KCNK2: variants seen among roughly 807,000 people sequenced by gnomAD.
KCNK2 encodes the protein potassium two pore domain channel subfamily K member 2, also known as potassium channel subfamily K member 2.
A neutral mutation model predicts 40.5 loss-of-function variants in KCNK2; 21 were observed. The observed-to-expected ratio is 0.52, with a 90% CI of 0.37 to 0.75. The LOEUF (loss-of-function observed/expected upper bound fraction) is 0.75, where lower values mean the gene tolerates loss of function less well. KCNK2 is among the 30% of genes least tolerant of loss of function. The pLI is 0.00. For missense variants in KCNK2, 399 were observed against 531.6 expected (o/e 0.75, Z 2.45); for synonymous variants, 191 against 202.2 (o/e 0.94, Z 0.47).
Position 215,235,159 on chromosome 1 carries a change from T to A in KCNK2, c.*14T>A. The A allele has an allele frequency of 6.3e-7, 1 of 1,586,298 alleles. No homozygotes were observed. The highest frequency in any genetic ancestry group is 8.6e-7 in the Non-Finnish European group (1 of 1,160,240). The stretch of plus-strand genomic sequence containing the variant: ...AACATCAAATAGCCCTCTCTTTAAA[T>A]AACCTTAGGCATAGCCATAGGTGAG... On this transcript the variant is annotated 3_prime_UTR_variant, in exon 7 of 7. Coordinates refer to ENST00000444842, the MANE Select transcript of KCNK2 (RefSeq NM_001017425.3).
At chr1:215,070,481 G>A (rs1389776106) in intron 1 of KCNK2, among the ~76,000 whole-genome samples, 1 of 151,374 alleles carries the variant, frequency 6.6e-6, no homozygotes, top group African/African-American at 2.4e-5. Context: ...AGTTCCACAT[G>A]GCTGGGGAGG....
At chr1:215,120,957 T>A (rs1477745274) in intron 2 of KCNK2, among the ~76,000 whole-genome samples, 2 of 152,226 alleles carry the variant, frequency 1.3e-5, no homozygotes, top group Non-Finnish European at 2.9e-5. Context: ...TAAATGCCAT[T>A]TTCTTGCCAA....
intron 6 of KCNK2, among the ~76,000 whole-genome samples, chr1:215,198,486 T>C (rs1462331675): frequency 6.6e-6 from 1 of 152,216 alleles, no homozygotes; most frequent in Non-Finnish European, 1.5e-5. Flanking sequence ...AACAAAATAC[T>C]GTTAAAATTT....
intron 2 of KCNK2, among the ~76,000 whole-genome samples, chr1:215,119,324 A>G (rs1661079610): frequency 6.6e-6 from 1 of 152,212 alleles, no homozygotes; most frequent in Non-Finnish European, 1.5e-5. Flanking sequence ...GATGGCATTG[A>G]GACAGCATTT....
At chr1:215,034,963 A>AT (rs1019690739) in intron 1 of KCNK2, among the ~76,000 whole-genome samples, 1 of 151,846 alleles carries the variant, frequency 6.6e-6, no homozygotes, top group Non-Finnish European at 1.5e-5. Context: ...TATTTGTAAC[A>AT]TTTTTTTCTC....
intron 2 of KCNK2, among the ~76,000 whole-genome samples, chr1:215,088,613 A>G (rs1329816203): frequency 6.6e-6 from 1 of 152,018 alleles, no homozygotes; most frequent in Non-Finnish European, 1.5e-5. Context: ...TTTCAGGACA[A>G]CACTGGAAGA....
chr1:215,013,726 G>T (rs1372352745), intron 1 of KCNK2, among the ~76,000 whole-genome samples: 1 of 152,068 alleles, frequency 6.6e-6, no homozygotes, highest in East Asian at 1.9e-4. Context: ...AATTTTCATT[G>T]CTAGTATATA....
Position 215,235,120 on chromosome 1 carries a change from T to C in KCNK2, c.1256T>C (p.Ile419Thr), listed in dbSNP as rs1194767243. The change falls in exon 7 of 7, where the codon ATT (isoleucine) becomes ACT (threonine). Residue 419 changes from isoleucine to threonine, a missense_variant. Around this residue, in one of 3 missense-constraint regions of KCNK2, gnomAD observed 103 missense variants for 124.3 expected, o/e 0.83. Transcript: ENST00000444842. ...ACGCCACACTGTGCTGGTGAAGAGA[T>C]TGCTGTGATTGAGAACATCAAATAG... ...GLTPHCAGEE[I>T]AVIENIK 1.4e-5 allele frequency: 23 copies of C among 1,598,476 alleles called. No homozygotes were observed. Among genetic ancestry groups the C allele is most frequent in the East Asian group, 4.5e-5 (2 of 44,378 alleles).
At chr1:215,213,473 C>T (rs9803895) in intron 6 of KCNK2, among the ~76,000 whole-genome samples, 146,639 of 152,186 alleles carry the variant, frequency 0.96, 70,892 homozygotes, top group East Asian at 1. Context: ...TAGCCAGGCA[C>T]GATGGCGCAT....
Position 215,234,747 on chromosome 1 carries a change from T to C in KCNK2, c.964-81T>C, listed in dbSNP as rs531817797. On this transcript the variant is annotated intron_variant, in intron 6 of 6. Transcript: ENST00000444842. ...CACTCTTCTTTTTAAAATCCCAAAA[T>C]AAAATGAACTGAAGATAAAGCATAG... 21 of 1,333,092 alleles carry C rather than the reference T, an allele frequency of 1.6e-5. No homozygotes were observed. In the East Asian group the frequency reaches 4.4e-4, roughly 28 times the overall value. The allele number at this position is 1,333,092 out of a possible 1,614,324, so 82.6% of individuals were successfully genotyped here.
chr1:215,086,328 C>T lies in KCNK2; in HGVS notation c.47-40C>T, dbSNP rs375903219. 21 of 1,529,876 alleles carry T rather than the reference C, an allele frequency of 1.4e-5. No individual in the cohort carries two copies. In the African/African-American group the frequency reaches 2.6e-4, roughly 19 times the overall value. 94.8% of individuals were successfully genotyped at this position (1,529,876 alleles called of 1,614,324 possible). A position where few individuals can be genotyped will look rare whatever the true frequency, so the allele number is the denominator to read the frequency against. ...GAAGAAGCCCGACCAATTCCCTTCT[C>T]ATCTCCTCCAACCTAACCCTCATTC... On this transcript the variant is annotated intron_variant, in intron 1 of 6. Coordinates refer to ENST00000444842, the MANE Select transcript of KCNK2 (RefSeq NM_001017425.3).
intron 2 of KCNK2, among the ~76,000 whole-genome samples, chr1:215,093,772 ATATAT>A (rs1659828645): frequency 3.4e-5 from 1 of 29,338 alleles, no homozygotes; most frequent in Non-Finnish European, 6.2e-5. Flanking sequence ...ATAATATAAA[ATATAT>A]TATATATTAT....
chr1:215,216,851 C>A (rs1204546417), intron 6 of KCNK2, among the ~76,000 whole-genome samples: 2 of 152,124 alleles, frequency 1.3e-5, no homozygotes, highest in Non-Finnish European at 2.9e-5. Flanking sequence ...CCAGGAGCCA[C>A]AATGGCAGTG....
At chr1:215,169,062 T>C (rs1663577762) in intron 3 of KCNK2, 137 bp from the exon 4 acceptor site, 2 of 590,354 alleles carry the variant, frequency 3.4e-6, no homozygotes, top group South Asian at 2.6e-5. Context: ...TACAATAGTA[T>C]GTAATACAAA....
At chr1:215,118,592 C>T (rs1220020618) in intron 2 of KCNK2, among the ~76,000 whole-genome samples, 2 of 152,050 alleles carry the variant, frequency 1.3e-5, no homozygotes, top group Non-Finnish European at 2.9e-5. Flanking sequence ...ATTGCAACTA[C>T]CAGAAATTTG....
chr1:215,149,626 T>C (rs567611463), intron 3 of KCNK2, among the ~76,000 whole-genome samples: 4 of 152,284 alleles, frequency 2.6e-5, no homozygotes, highest in African/African-American at 9.6e-5. Context: ...GGGAGGAACA[T>C]GAAATAAGCT....
intron 1 of KCNK2, among the ~76,000 whole-genome samples, chr1:215,047,097 A>G (rs994514783): frequency 1.3e-5 from 2 of 152,144 alleles, no homozygotes; most frequent in Admixed American, 6.5e-5. Context: ...TTTCAGCATC[A>G]TAATAGGAAA....
intron 2 of KCNK2, among the ~76,000 whole-genome samples, chr1:215,099,062 A>G (rs1306304206): frequency 1.3e-5 from 2 of 152,006 alleles, no homozygotes; most frequent in East Asian, 3.9e-4. Context: ...GGTTTGTTAC[A>G]TAGGTGAACT....
At chr1:215,210,027 T>C (rs570984105) in intron 6 of KCNK2, among the ~76,000 whole-genome samples, 1,611 of 32,802 alleles carry the variant, frequency 0.049, 62 homozygotes, top group African/African-American at 0.18. Flanking sequence ...TAATATATAT[T>C]ATATATAATA....
Sources: gnomAD v4.1 joint callset for allele counts (sites outside exome capture counted in the v4.1 genomes callset) on GRCh38, gnomAD v4.1.1 for gene constraint, gnomAD v4.1.1 regional missense constraint, MANE v1.5 for transcripts, NCBI Gene and HGNC (gene_info 2026-07-23, HGNC 2026-07-21) for gene names.